SEC16B: variants seen among roughly 807,000 people sequenced by gnomAD.
The protein encoded by SEC16B is SEC16 homolog B, endoplasmic reticulum export factor, also known as protein transport protein Sec16B.
A neutral mutation model predicts 141.8 loss-of-function variants in SEC16B; 115 were observed. The ratio of observed to expected loss-of-function variants is 0.81; its 90% CI spans 0.70 to 0.95. SEC16B has a LOEUF of 0.95. SEC16B is among the 40% of genes least tolerant of loss of function. The pLI is 0.00. For missense variants in SEC16B, 1,291 were observed against 1,312.3 expected, an observed-to-expected ratio of 0.98 and a Z score of 0.25; for synonymous variants, 493 against 492.5, an observed-to-expected ratio of 1.00 and a Z score of -0.01.
upstream of SEC16B, among the ~76,000 whole-genome samples, chr1:177,970,956 C>G (rs1653917257): frequency 6.6e-6 from 1 of 152,110 alleles, no homozygotes; most frequent in Non-Finnish European, 1.5e-5. Flanking sequence ...CAGGGAAAAC[C>G]ACCCCTCTTG....
chr1:177,936,437 C>T (rs1355513430), intron 19 of SEC16B, 72 bp from the exon 20 acceptor site: 2 of 1,303,174 alleles, frequency 1.5e-6, no homozygotes, highest in East Asian at 4.9e-5. Flanking sequence ...AGAAGGGTAA[C>T]TGGGACACAA....
rs374563483 is a variant in SEC16B, at chr1:177,965,928, T to C, written c.377A>G (p.Tyr126Cys). The change falls in exon 3 of 26, where the codon TAT (tyrosine) becomes TGT (cysteine). Residue 126 changes from tyrosine (Y) to cysteine (C), a missense_variant. Transcript: ENST00000308284. ...REEYAYGSYY[Y>C]HGHPQWLQEE... ...CTGCAGCCACTGTGGGTGTCCATGA[T>C]AGTAATAACTTCCATAAGCATATTC... 6.9e-6 allele frequency: 11 copies of C among 1,598,086 alleles called. No individual in the cohort carries two copies. The African/African-American group carries it at 1.1e-4, about 16-fold the overall frequency.
At chr1:177,956,724 A>G (rs1437277008) in intron 10 of SEC16B, among the ~76,000 whole-genome samples, 1 of 152,180 alleles carries the variant, frequency 6.6e-6, no homozygotes, top group African/African-American at 2.4e-5. Flanking sequence ...TGACTTTACA[A>G]TGCTGTGAAA....
chr1:177,957,903 A>G (rs536372772), intron 10 of SEC16B, among the ~76,000 whole-genome samples: 1 of 151,332 alleles, frequency 6.6e-6, no homozygotes, highest in Non-Finnish European at 1.5e-5. Context: ...CAAATAAGTG[A>G]GAACATGTGA....
At position 177,952,916 on chromosome 1, in the gene SEC16B, A is replaced by G. The variant is rs183057142; in HGVS notation, c.1464-921T>C. 3.9e-5 allele frequency among the ~76,000 whole-genome samples: 6 copies of G among 152,196 alleles called. No individual in the cohort carries two copies. The East Asian group carries it at 9.7e-4, about 25-fold the overall frequency. ...AGGAAGACTGAGGGGTGGAGTCGTC[A>G]TGAGACTCAACTAGGCCATCATCCA... On this transcript the variant is annotated intron_variant, in intron 11 of 25. Coordinates refer to ENST00000308284, the MANE Select transcript of SEC16B (RefSeq NM_033127.4).
chr1:177,982,601 TC>T (rs1461163522), intron 1 of SEC16B, among the ~76,000 whole-genome samples: 2 of 152,188 alleles, frequency 1.3e-5, no homozygotes, highest in African/African-American at 4.8e-5. Flanking sequence ...TCCTACAACT[TC>T]CAAAGTCAAA....
chr1:177,960,062 T>C, intron 8 of SEC16B: 1 of 421,144 alleles, frequency 2.4e-6, no homozygotes, highest in Non-Finnish European at 4.3e-6. Context: ...GCACACGGAA[T>C]GCTAAAACTT....
intron 18 of SEC16B, among the ~76,000 whole-genome samples, chr1:177,939,069 C>T (rs1162996600): frequency 6.6e-6 from 1 of 152,194 alleles, no homozygotes; most frequent in Non-Finnish European, 1.5e-5. Flanking sequence ...GAAACAGAAG[C>T]CAAGGCCTGC....
rs1267935720 is a variant in SEC16B, at chr1:177,960,955, C to T, written c.788-16G>A. The T allele has an allele frequency of 6.6e-7, 1 of 1,520,088 alleles. No individual in the cohort carries two copies. Among genetic ancestry groups the T allele is most frequent in the African/African-American group, 1.4e-5 (1 of 73,748 alleles). The allele number at this position is 1,520,088 out of a possible 1,614,324, so 94.2% of individuals were successfully genotyped here. On this transcript the variant is annotated splice_polypyrimidine_tract_variant and intron_variant, in intron 6 of 25. Transcript: ENST00000308284. ...GAGGAGACATCTTCTGACCAACAGACACAGATGGACATTGTTAGCGTTACT... is the reference window on the plus strand; with the variant it reads ...GAGGAGACATCTTCTGACCAACAGATACAGATGGACATTGTTAGCGTTACT...
Position 177,929,881 on chromosome 1 carries a change from G to A in SEC16B, c.3160C>T (p.Arg1054Cys), listed in dbSNP as rs777631840. ...LNRPNRLAQR[R>C]YPTQPC ...TCTCAGCATGGCTGGGTGGGATAGCGACGCTGAGCTAGGCGATTTGGCCGA... is the reference window on the plus strand; with the variant it reads ...TCTCAGCATGGCTGGGTGGGATAGCAACGCTGAGCTAGGCGATTTGGCCGA... Residue 1054 changes from arginine (R) to cysteine (C), a missense_variant, in exon 26 of 26, where the codon CGC becomes TGC. By Grantham distance (180) the Arg-to-Cys change is radical. Coordinates refer to ENST00000308284, the MANE Select transcript of SEC16B (RefSeq NM_033127.4). 8.7e-6 allele frequency: 14 copies of A among 1,613,820 alleles called. No homozygotes were observed. The highest frequency in any genetic ancestry group is 5.0e-5 in the Admixed American group (3 of 60,002).
chr1:177,976,445 C>T (rs544779556), intron 1 of SEC16B, among the ~76,000 whole-genome samples: 1 of 152,274 alleles, frequency 6.6e-6, no homozygotes, highest in Admixed American at 6.5e-5. Context: ...GGAATGTTCT[C>T]TCAGCTGCAG....
At chr1:177,933,346 G>A (rs1168496541) in intron 21 of SEC16B, 34 bp from the exon 22 acceptor site, 3 of 1,570,146 alleles carry the variant, frequency 1.9e-6, no homozygotes, top group Non-Finnish European at 1.7e-6. Flanking sequence ...ATGACCTGCA[G>A]GTTGGCTTCT....
chr1:177,946,293 A>T (rs1393991481), intron 14 of SEC16B, 127 bp downstream of exon 14: 3 of 778,500 alleles, frequency 3.9e-6, no homozygotes, highest in Non-Finnish European at 6.8e-6. Flanking sequence ...AACAATCCCA[A>T]ATAAGGGAGC....
rs766721116 is a variant in SEC16B, at chr1:177,937,281, G to A, written c.2436C>T (p.Ser812=). Residue 812 remains serine (S), a synonymous_variant, in exon 19 of 26, where the codon AGC becomes AGT. Coordinates refer to ENST00000308284, the MANE Select transcript of SEC16B (RefSeq NM_033127.4). ...PETHLPGTGS[S]VAVTEATGGT... is the part of the protein sequence containing the mutation. ...CTCCAGTGGCCTCTGTCACTGCCAC[G>A]CTGCTGCCAGTCCCTGGTAGATGGG... is the stretch of plus-strand genomic sequence containing the variant. 1.2e-5 allele frequency: 19 copies of A among 1,613,740 alleles called. No individual in the cohort carries two copies. Among genetic ancestry groups the A allele is most frequent in the African/African-American group, 1.1e-4 (8 of 74,896 alleles).
intron 15 of SEC16B, among the ~76,000 whole-genome samples, chr1:177,944,054 C>T (rs955756744): frequency 6.6e-6 from 1 of 152,206 alleles, no homozygotes; most frequent in African/African-American, 2.4e-5. Context: ...ACAGTATGGA[C>T]ACCACCCACA....
rs772143046 is a variant in SEC16B at position 177,958,214 on chromosome 1, G to A, written c.1283C>T (p.Thr428Met). 35 of 1,602,820 alleles carry A rather than the reference G, an allele frequency of 2.2e-5. No individual in the cohort carries two copies. The Middle Eastern group carries it at 6.6e-4, about 30-fold the overall frequency. The part of the protein sequence containing the change: ...VLSSGTPNLL[T>M]GEIPPSVETP... The stretch of plus-strand genomic sequence containing the variant: ...CTCCACACTGGGGGGGATCTCTCCC[G>A]TGAGCAGGTTCGGGGTCCCAGAGCT... Residue 428 changes from threonine to methionine, a missense_variant, in exon 10 of 26, where the codon ACG becomes ATG. Physicochemically the swap from Thr to Met is moderately conservative, Grantham distance 81. Transcript: ENST00000308284.
In SEC16B at chr1:177,937,300, A is replaced by G; in HGVS notation, c.2417T>C (p.Leu806Pro). ...RPFYSVPETH[L>P]PGTGSSVAVT... The stretch of plus-strand genomic sequence containing the variant: ...TGCCACGCTGCTGCCAGTCCCTGGT[A>G]GATGGGTCTCAGGAACTGAGTAAAA... The change falls in exon 19 of 26, where the codon CTA (leucine) becomes CCA (proline). Residue 806 changes from leucine (L) to proline (P), a missense_variant. Around this residue, in one of 3 missense-constraint regions of SEC16B, gnomAD observed 605 missense variants for 614.1 expected, o/e 0.99. Coordinates refer to ENST00000308284, the MANE Select transcript of SEC16B (RefSeq NM_033127.4). 1 of 1,613,938 alleles carries G rather than the reference A, an allele frequency of 6.2e-7. No individual in the cohort carries two copies. Among genetic ancestry groups the G allele is most frequent in the Non-Finnish European group, 8.5e-7 (1 of 1,179,880 alleles).
chr1:177,947,579 T>C (rs771317375), intron 13 of SEC16B, among the ~76,000 whole-genome samples: 5 of 151,250 alleles, frequency 3.3e-5, no homozygotes, highest in Non-Finnish European at 5.9e-5. Context: ...TTCCCTGGAG[T>C]TTCTTTCCCC....
chr1:177,962,200 A>G (rs1373105313), intron 5 of SEC16B, among the ~76,000 whole-genome samples: 2 of 151,898 alleles, frequency 1.3e-5, no homozygotes, highest in Non-Finnish European at 2.9e-5. Context: ...CAGCCTCCCA[A>G]GTAGCTAGGA....
Sources: gnomAD v4.1 joint callset for allele counts (sites outside exome capture counted in the v4.1 genomes callset) on GRCh38, gnomAD v4.1.1 for gene constraint, gnomAD v4.1.1 regional missense constraint, MANE v1.5 for transcripts, NCBI Gene and HGNC (gene_info 2026-07-23, HGNC 2026-07-21) for gene names.